Variants in ATL2 observed in about 807,000 individuals in gnomAD.
ATL2 encodes the protein atlastin GTPase 2.
A neutral mutation model predicts 73.9 loss-of-function variants in ATL2; 31 were observed. The ratio of observed to expected loss-of-function variants is 0.42; its 90% CI spans 0.32 to 0.57. ATL2 has a LOEUF of 0.57. ATL2 is among the 20% of genes least tolerant of loss of function. The pLI is 0.14. For synonymous variants in ATL2, 291 were observed against 237.5 expected (o/e 1.23, Z -2.07); for missense variants, 738 against 702.6 (o/e 1.05, Z -0.57).
Position 38,298,578 on chromosome 2 carries a change from G to A in ATL2, c.1201-3C>T. The A allele has an allele frequency of 6.2e-7, 1 of 1,608,678 alleles. No homozygotes were observed. The highest frequency in any genetic ancestry group is 8.5e-7 in the Non-Finnish European group (1 of 1,177,212). On this transcript the variant is annotated splice_region_variant and splice_polypyrimidine_tract_variant and intron_variant, in intron 11 of 12. Transcript: ENST00000378954. The stretch of plus-strand genomic sequence containing the variant: ...TAAGGCTTGTCCCCTCCACATACCT[G>A]GACAGACAGAATTACAGTATTACAT...
In ATL2 at chr2:38,294,874, C is replaced by A. The variant is rs1666805963; in HGVS notation, c.*1120G>T. ...CTTGAAAAATTCCTTAAAAAAGAATCACAAGTTTCATTTTATATATACAAC... is the reference window on the plus strand; with the variant it reads ...CTTGAAAAATTCCTTAAAAAAGAATAACAAGTTTCATTTTATATATACAAC... On this transcript the variant is annotated 3_prime_UTR_variant, in exon 13 of 13. Coordinates refer to ENST00000378954, the MANE Select transcript of ATL2 (RefSeq NM_001135673.4). 1 of 151,832 alleles carries A rather than the reference C, an allele frequency of 6.6e-6. No homozygotes were observed. Among genetic ancestry groups the A allele is most frequent in the African/African-American group, 2.4e-5 (1 of 41,278 alleles). 9.4% of individuals were successfully genotyped at this position (151,832 alleles called of 1,614,324 possible).
At chr2:38,347,643 G>A (rs1670099962) in intron 1 of ATL2, among the ~76,000 whole-genome samples, 1 of 151,870 alleles carries the variant, frequency 6.6e-6, no homozygotes, top group Non-Finnish European at 1.5e-5. Flanking sequence ...CAATCACCCT[G>A]TTAACCATTC....
chr2:38,328,807 A>C (rs920505366), intron 2 of ATL2, among the ~76,000 whole-genome samples: 5 of 152,126 alleles, frequency 3.3e-5, no homozygotes, highest in Admixed American at 6.5e-5. Flanking sequence ...AGTAAGATGA[A>C]TAAAATCAGA....
At chr2:38,313,084 T>C in intron 7 of ATL2, 67 bp downstream of exon 7, 1 of 1,105,950 alleles carries the variant, frequency 9.0e-7, no homozygotes, top group Non-Finnish European at 1.4e-6. Flanking sequence ...TGACCAGCAG[T>C]CCGGACAGCC....
chr2:38,309,643 A>G, intron 8 of ATL2, 137 bp from the exon 9 acceptor site: 1 of 909,858 alleles, frequency 1.1e-6, no homozygotes. Flanking sequence ...TTTAAAAAAA[A>G]GCTCATCCAA....
At chr2:38,349,563 C>T (rs1240355883) in intron 1 of ATL2, among the ~76,000 whole-genome samples, 3 of 150,300 alleles carry the variant, frequency 2.0e-5, no homozygotes, top group Non-Finnish European at 3.0e-5. Flanking sequence ...TAGGAGTATA[C>T]CTAATGCTAA....
chr2:38,355,856 C>T lies in ATL2; in HGVS notation c.119-12344G>A, dbSNP rs150831737. On this transcript the variant is annotated intron_variant, in intron 1 of 12. Coordinates refer to ENST00000378954, the MANE Select transcript of ATL2 (RefSeq NM_001135673.4). ...TTGGGATTACAGGCACGCACCACCA[C>T]GCCTAATTTTTGTATTTTTAGTAGA... 3.0e-3 allele frequency among the ~76,000 whole-genome samples: 449 copies of T among 151,812 alleles called. 6 individuals are homozygous for T. The highest frequency in any genetic ancestry group is 0.01 in the African/African-American group (415 of 41,400).
chr2:38,339,679 ATTTATT>A (rs1669585745), intron 2 of ATL2, among the ~76,000 whole-genome samples: 1 of 151,942 alleles, frequency 6.6e-6, no homozygotes, highest in Non-Finnish European at 1.5e-5. Flanking sequence ...ACAGCAGAAT[ATTTATT>A]TTTATTTTAT....
intron 1 of ATL2, among the ~76,000 whole-genome samples, chr2:38,369,884 G>C (rs954020668): frequency 1.3e-5 from 2 of 151,866 alleles, no homozygotes; most frequent in Admixed American, 6.6e-5. Flanking sequence ...GGGCGCGGTG[G>C]CTCACGCCAG....
rs1289039127 is a variant in ATL2, at chr2:38,295,548, G to GT, written c.*445dup. 9.8e-5 allele frequency: 15 copies of GT among 153,672 alleles called. No homozygotes were observed. Among genetic ancestry groups the GT allele is most frequent in the African/African-American group, 3.4e-4 (14 of 41,572 alleles). 9.5% of individuals were successfully genotyped at this position (153,672 alleles called of 1,614,324 possible). A position where few individuals can be genotyped will look rare whatever the true frequency, so the allele number is the denominator to read the frequency against. On this transcript the variant is annotated 3_prime_UTR_variant, in exon 13 of 13. Coordinates refer to ENST00000378954, the MANE Select transcript of ATL2 (RefSeq NM_001135673.4). ...CAGTAAAGCAATATATACTTTTAAT[G>GT]TAGTGGCTCAATAAAGGCTTCATTG...
chr2:38,314,982 G>A (rs7573277), intron 5 of ATL2, among the ~76,000 whole-genome samples: 50,347 of 152,122 alleles, frequency 0.33, 8,588 homozygotes, highest in South Asian at 0.47. Context: ...CGGGCGCAGC[G>A]GCTCACGCCG....
intron 9 of ATL2, among the ~76,000 whole-genome samples, chr2:38,303,006 G>A (rs2148407815): frequency 6.6e-6 from 1 of 152,276 alleles, no homozygotes; most frequent in African/African-American, 2.4e-5. Context: ...ATCCTGGAGA[G>A]ACAGAGATAA....
At chr2:38,342,805 T>C (rs1266926566) in intron 2 of ATL2, among the ~76,000 whole-genome samples, 1 of 152,068 alleles carries the variant, frequency 6.6e-6, no homozygotes, top group Non-Finnish European at 1.5e-5. Flanking sequence ...TGCTCAATTA[T>C]ATGTTTCCAT....
At chr2:38,361,965 C>T (rs1422510304) in intron 1 of ATL2, among the ~76,000 whole-genome samples, 3 of 152,144 alleles carry the variant, frequency 2.0e-5, no homozygotes, top group Admixed American at 6.6e-5. Flanking sequence ...TTCCACTATA[C>T]CAAACTGCTA....
chr2:38,310,476 G>A (rs1413845963), intron 7 of ATL2, 29 bp from the exon 8 acceptor site: 1 of 1,569,464 alleles, frequency 6.4e-7, no homozygotes, highest in Admixed American at 2.1e-5. Flanking sequence ...AGGTGAAATT[G>A]TAAACAGAAG....
At chr2:38,300,151 A>T in intron 10 of ATL2, 121 bp downstream of exon 10, 1 of 859,508 alleles carries the variant, frequency 1.2e-6, no homozygotes, top group Non-Finnish European at 1.8e-6. Context: ...GGCCTTAAGC[A>T]AAATGTGTTT....
At chr2:38,319,149 A>G in intron 2 of ATL2, 130 bp from the exon 3 acceptor site, 1 of 987,378 alleles carries the variant, frequency 1.0e-6, no homozygotes, top group Non-Finnish European at 1.5e-6. Context: ...CTGTGTAACA[A>G]ACAAGTAGTT....
At chr2:38,331,760 A>G (rs1481949345) in intron 2 of ATL2, among the ~76,000 whole-genome samples, 1 of 152,076 alleles carries the variant, frequency 6.6e-6, no homozygotes, top group Non-Finnish European at 1.5e-5. Context: ...AGTCTTTCCA[A>G]AAATGGTGCT....
chr2:38,342,883 G>C (rs1669804308), intron 2 of ATL2, among the ~76,000 whole-genome samples: 1 of 150,962 alleles, frequency 6.6e-6, no homozygotes, highest in Non-Finnish European at 1.5e-5. Context: ...TTACTGTATT[G>C]ACCAGGAAGT....
Sources: gnomAD v4.1 joint callset for allele counts (sites outside exome capture counted in the v4.1 genomes callset) on GRCh38, gnomAD v4.1.1 for gene constraint, MANE v1.5 for transcripts, NCBI Gene and HGNC (gene_info 2026-07-23, HGNC 2026-07-21) for gene names.